Variants in PDE4D observed in about 807,000 individuals in gnomAD.
PDE4D encodes 3',5'-cyclic-AMP phosphodiesterase 4D.
Under a neutral mutation model 87.4 loss-of-function variants are expected in PDE4D, and 24 were observed. The ratio of observed to expected loss-of-function variants is 0.27; its 90% CI spans 0.20 to 0.39. The LOEUF is 0.39. PDE4D is among the 10% of genes least tolerant of loss of function. PDE4D has a pLI of 1.00. For synonymous variants in PDE4D, 384 were observed against 383.2 expected (o/e 1.00, Z -0.02); for missense variants, 714 against 1,041.0 (o/e 0.69, Z 4.32).
At chr5:59,538,526 T>C (rs1043433276) in intron 1 of PDE4D, among the ~76,000 whole-genome samples, 20 of 152,252 alleles carry the variant, frequency 1.3e-4, no homozygotes, top group Admixed American at 1.1e-3. Context: ...GTTCAATCTA[T>C]TTCCTAAGTA....
intron 5 of PDE4D, among the ~76,000 whole-genome samples, chr5:59,078,197 A>G (rs1766047196): frequency 6.6e-6 from 1 of 152,196 alleles, no homozygotes; most frequent in East Asian, 1.9e-4. Flanking sequence ...AAAAAAGGCC[A>G]TCAGTAAGAA....
At chr5:60,510,625 T>C (rs1297415860) in intron 1 of PDE4D, among the ~76,000 whole-genome samples, 1 of 152,168 alleles carries the variant, frequency 6.6e-6, no homozygotes, top group African/African-American at 2.4e-5. Context: ...CAGGAGGTGA[T>C]ACAGCTGGAA....
chr5:60,147,743 C>T (rs1473167905), intron 2 of PDE4D: 17 of 455,350 alleles, frequency 3.7e-5, no homozygotes, highest in South Asian at 2.5e-4. Context: ...TCTCGAGTCA[C>T]TCACATGGTT....
At chr5:60,492,904 A>C (rs1368125833), upstream of PDE4D, among the ~76,000 whole-genome samples, 2 of 152,070 alleles carry the variant, frequency 1.3e-5, no homozygotes, top group Non-Finnish European at 2.9e-5. Flanking sequence ...AAAAAGATTA[A>C]AAAAAAGAAG....
intron 2 of PDE4D, among the ~76,000 whole-genome samples, chr5:60,047,346 G>T (rs1240664820): frequency 1.3e-5 from 2 of 152,044 alleles, no homozygotes; most frequent in South Asian, 2.1e-4. Context: ...TTTTTGAAGG[G>T]TTTTTTGTGT....
intron 1 of PDE4D, among the ~76,000 whole-genome samples, chr5:60,512,146 T>C (rs1260370292): frequency 6.6e-6 from 1 of 152,188 alleles, no homozygotes; most frequent in Non-Finnish European, 1.5e-5. Context: ...ATGAGAAAGA[T>C]ATAAAATAAT....
intron 1 of PDE4D, among the ~76,000 whole-genome samples, chr5:59,494,793 G>A (rs552839678): frequency 1.3e-5 from 2 of 152,174 alleles, no homozygotes; most frequent in South Asian, 2.1e-4. Flanking sequence ...TACCTTCCCC[G>A]TAAACATGCC....
At chr5:59,518,421 G>A (rs1811567244) in intron 1 of PDE4D, among the ~76,000 whole-genome samples, 1 of 152,086 alleles carries the variant, frequency 6.6e-6, no homozygotes, top group South Asian at 2.1e-4. Flanking sequence ...CATCCTTAAT[G>A]TTCTGTTTTG....
At position 59,975,931 on chromosome 5, in the gene PDE4D, C is replaced by A. The variant is rs1434744413; in HGVS notation, c.272+12557G>T. 2.0e-5 allele frequency among the ~76,000 whole-genome samples: 3 copies of A among 152,184 alleles called. No homozygotes were observed. In the East Asian group the frequency reaches 5.8e-4, roughly 29 times the overall value. On this transcript the variant is annotated intron_variant, in intron 3 of 16. Coordinates refer to the PDE4D transcript ENST00000502484. Reference sequence around the variant, plus strand: ...TGCTCCCCAGTGAGATTTCATATTTCTCCATTTGTCTGCAGTCATATTTGT... The same window carrying A: ...TGCTCCCCAGTGAGATTTCATATTTATCCATTTGTCTGCAGTCATATTTGT...
At chr5:59,701,796 A>G (rs1752610511) in intron 1 of PDE4D, among the ~76,000 whole-genome samples, 1 of 152,214 alleles carries the variant, frequency 6.6e-6, no homozygotes, top group African/African-American at 2.4e-5. Context: ...TACAGTTCAC[A>G]CATGCTATGT....
intron 1 of PDE4D, among the ~76,000 whole-genome samples, chr5:60,427,945 C>T (rs373598863): frequency 6.6e-4 from 101 of 152,112 alleles, no homozygotes; most frequent in African/African-American, 2.4e-3. Flanking sequence ...GGTGTGGTGG[C>T]ACATGACTGA....
At position 59,427,337 on chromosome 5, in the gene PDE4D, ACG is replaced by A. The variant is rs10587603; in HGVS notation, c.456-211371_456-211370del. 2.9e-3 allele frequency among the ~76,000 whole-genome samples: 389 copies of A among 135,660 alleles called. 1 individual carries two copies. The highest frequency in any genetic ancestry group is 0.012 in the African/African-American group (360 of 29,462). The allele number at this position is 135,660 out of a possible 152,430, so 89.0% of individuals were successfully genotyped here. The stretch of plus-strand genomic sequence containing the variant: ...CACACACACACACACACACACACAC[ACG>A]CCCCTATGCCAAAATATGTACCATG... On this transcript the variant is annotated intron_variant, in intron 1 of 14. Coordinates refer to ENST00000340635, the MANE Select transcript of PDE4D (RefSeq NM_001104631.2).
chr5:59,198,581 G>A (rs1490277394), intron 2 of PDE4D, among the ~76,000 whole-genome samples: 2 of 152,170 alleles, frequency 1.3e-5, no homozygotes, highest in Non-Finnish European at 2.9e-5. Context: ...TAGTCCTGGC[G>A]AGCCTTGTCT....
At chr5:59,813,467 CACACACACACACACAT>C (rs1462350340) in intron 1 of PDE4D, among the ~76,000 whole-genome samples, 1 of 144,996 alleles carries the variant, frequency 6.9e-6, no homozygotes, top group Non-Finnish European at 1.5e-5. Context: ...CACACACACA[CACACACACACACACAT>C]ATGCCTGTCA....
At chr5:60,016,168 C>T (rs1185511048) in intron 2 of PDE4D, among the ~76,000 whole-genome samples, 1 of 151,820 alleles carries the variant, frequency 6.6e-6, no homozygotes, top group Non-Finnish European at 1.5e-5. Context: ...CAGTAACTCA[C>T]ATGAATTTTT....
At chr5:59,524,717 A>T (rs1437125864) in intron 1 of PDE4D, among the ~76,000 whole-genome samples, 1 of 152,090 alleles carries the variant, frequency 6.6e-6, no homozygotes, top group African/African-American at 2.4e-5. Context: ...AGGAGGAAAG[A>T]CTTTATTTTG....
intron 1 of PDE4D, among the ~76,000 whole-genome samples, chr5:59,872,381 A>G (rs1373777173): frequency 1.3e-5 from 2 of 152,154 alleles, no homozygotes; most frequent in African/African-American, 4.8e-5. Flanking sequence ...TTCTTTCACA[A>G]ATCAGCAAGT....
chr5:60,105,953 T>G (rs933589718), intron 2 of PDE4D, among the ~76,000 whole-genome samples: 1 of 152,190 alleles, frequency 6.6e-6, no homozygotes, highest in East Asian at 1.9e-4. Flanking sequence ...CATCAACTAA[T>G]GAGCAAAATA....
intron 1 of PDE4D, among the ~76,000 whole-genome samples, chr5:60,228,838 C>T (rs924766353): frequency 4.6e-5 from 7 of 152,032 alleles, no homozygotes; most frequent in South Asian, 2.1e-4. Context: ...CTGAGCCTAG[C>T]TCCAGCTCAC....
Sources: gnomAD v4.1 joint callset for allele counts (sites outside exome capture counted in the v4.1 genomes callset) on GRCh38, gnomAD v4.1.1 for gene constraint, MANE v1.5 for transcripts, NCBI Gene and HGNC (gene_info 2026-07-23, HGNC 2026-07-21) for gene names.